POSTN: variants seen among roughly 807,000 people sequenced by gnomAD.
POSTN encodes the protein periostin.
A neutral mutation model predicts 104.5 loss-of-function variants in POSTN; 71 were observed. That is an observed-to-expected ratio of 0.68 (90% CI 0.56 to 0.83). POSTN has a LOEUF of 0.83. Among genes scored for constraint, POSTN ranks in the 40% least tolerant of loss-of-function variants. POSTN has a pLI of 0.00. For synonymous variants in POSTN, 355 were observed against 340.7 expected (o/e 1.04, Z -0.46); for missense variants, 949 against 1,006.8 (o/e 0.94, Z 0.78).
rs576057904 is a variant in POSTN at position 37,562,743 on chromosome 13, G to A, written c.*590C>T. On this transcript the variant is annotated 3_prime_UTR_variant, in exon 23 of 23. Coordinates refer to ENST00000379747, the MANE Select transcript of POSTN (RefSeq NM_006475.3). The stretch of plus-strand genomic sequence containing the variant: ...ATCTGAAAAATGGTTTTATTGAAAC[G>A]TTTGAGATTAAAAAATATGCATTGC... 6.6e-6 allele frequency: 1 copy of A among 152,162 alleles called. No individual in the cohort carries two copies. Among genetic ancestry groups the A allele is most frequent in the African/African-American group, 2.4e-5 (1 of 41,526 alleles). The allele number at this position is 152,162 out of a possible 1,614,324, so 9.4% of individuals were successfully genotyped here.
intron 2 of POSTN, among the ~76,000 whole-genome samples, 162 bp downstream of exon 2, chr13:37,597,022 G>A (rs1378808032): frequency 6.6e-6 from 1 of 152,236 alleles, no homozygotes; most frequent in Admixed American, 6.5e-5. Flanking sequence ...GATGCAGGGA[G>A]AACTTCTTTA....
intron 4 of POSTN, among the ~76,000 whole-genome samples, chr13:37,590,164 A>T (rs979099274): frequency 9.2e-5 from 14 of 152,244 alleles, no homozygotes; most frequent in African/African-American, 3.4e-4. Flanking sequence ...TCTTAAAAAA[A>T]TTAAAGTATA....
At chr13:37,580,992 C>A (rs1340990055) in intron 10 of POSTN, among the ~76,000 whole-genome samples, 4 of 152,112 alleles carry the variant, frequency 2.6e-5, no homozygotes, top group East Asian at 1.9e-4. Flanking sequence ...TTTATAATTT[C>A]TATTCAGATT....
chr13:37,595,918 C>T (rs955679919), intron 2 of POSTN, among the ~76,000 whole-genome samples: 3 of 150,762 alleles, frequency 2.0e-5, no homozygotes, highest in Admixed American at 6.6e-5. Flanking sequence ...TCAAGCGATT[C>T]TCCTGCCTCA....
intron 21 of POSTN, among the ~76,000 whole-genome samples, chr13:37,567,765 A>G (rs1477263197): frequency 6.6e-6 from 1 of 152,160 alleles, no homozygotes; most frequent in Non-Finnish European, 1.5e-5. Flanking sequence ...CTAAAAATTG[A>G]ATGTCATATA....
chr13:37,592,179 A>G lies in POSTN; in HGVS notation c.219-15T>C. ...ATAACACAGTCCTGTACATAGGAAG[A>G]AAATTAATATTAAAATGAGAAACTA... On this transcript the variant is annotated splice_polypyrimidine_tract_variant and intron_variant, in intron 2 of 22. Coordinates refer to ENST00000379747, the MANE Select transcript of POSTN (RefSeq NM_006475.3). 1 of 1,431,776 alleles carries G rather than the reference A, an allele frequency of 7.0e-7. No homozygotes were observed. Among genetic ancestry groups the G allele is most frequent in the Non-Finnish European group, 9.6e-7 (1 of 1,036,872 alleles). 88.7% of individuals were successfully genotyped at this position (1,431,776 alleles called of 1,614,324 possible).
chr13:37,575,719 G>C (rs1234816319), intron 16 of POSTN, among the ~76,000 whole-genome samples: 1 of 152,106 alleles, frequency 6.6e-6, no homozygotes, highest in East Asian at 1.9e-4. Flanking sequence ...CCTCATGCTT[G>C]TAAGATGTTT....
At chr13:37,579,402 T>A (rs557303955) in intron 12 of POSTN, 43 bp from the exon 13 acceptor site, 2 of 1,464,962 alleles carry the variant, frequency 1.4e-6, no homozygotes, top group East Asian at 4.5e-5. Flanking sequence ...TAATATGACT[T>A]TTTGATAAGG....
chr13:37,564,869 A>G, intron 21 of POSTN: 1 of 215,832 alleles, frequency 4.6e-6, no homozygotes, highest in South Asian at 1.2e-4. Context: ...TGATTTTTTC[A>G]ATCTTTTTGT....
In POSTN at chr13:37,578,869, T is replaced by C. The variant is rs1416576878; in HGVS notation, c.1937A>G (p.Lys646Arg). The C allele has an allele frequency of 2.5e-6, 4 of 1,588,256 alleles. No homozygotes were observed. Among genetic ancestry groups the C allele is most frequent in the Non-Finnish European group, 3.4e-6 (4 of 1,172,990 alleles). The change falls in exon 15 of 23, where the codon AAA (lysine) becomes AGA (arginine). Residue 646 changes from lysine (K) to arginine (R), a missense_variant. Transcript: ENST00000379747. The stretch of plus-strand genomic sequence containing the variant: ...CTTAATTTGGATGTATTTGATTAAT[T>C]TATTAAGTATTTCCAGCAGTTGATC... ...GNDQLLEILNKLIKYIQIKFV... is the reference protein window; with the variant it reads ...GNDQLLEILNRLIKYIQIKFV...
rs756283922 is a variant in POSTN at position 37,569,532 on chromosome 13, T to C, written c.2348-149A>G. On this transcript the variant is annotated intron_variant, in intron 20 of 22. Coordinates refer to ENST00000379747, the MANE Select transcript of POSTN (RefSeq NM_006475.3). ...CAAATTTTAGTGCTGTTTTCTGACA[T>C]ACTAATATTCTTATAAAGTTGTTGA... The C allele has an allele frequency of 4.1e-5, 33 of 808,832 alleles. No homozygotes were observed. In the Admixed American group the frequency reaches 6.5e-4, roughly 16 times the overall value. The allele number at this position is 808,832 out of a possible 1,614,324, so 50.1% of individuals were successfully genotyped here.
intron 5 of POSTN, 127 bp downstream of exon 5, chr13:37,587,695 A>C: frequency 1.4e-6 from 1 of 724,620 alleles, no homozygotes. Flanking sequence ...TTGGGGGTAA[A>C]GTCATAATAT....
chr13:37,598,502 A>AG, intron 1 of POSTN, 106 bp downstream of exon 1: 1 of 982,772 alleles, frequency 1.0e-6, no homozygotes, highest in Admixed American at 2.4e-5. Flanking sequence ...TATAATAATT[A>AG]GGAAAAAAAA....
chr13:37,595,423 G>A (rs775518808), intron 2 of POSTN, among the ~76,000 whole-genome samples: 4 of 152,156 alleles, frequency 2.6e-5, no homozygotes, highest in Non-Finnish European at 5.9e-5. Context: ...TAATGTTCAG[G>A]TCAAAAGATA....
intron 14 of POSTN, 45 bp downstream of exon 14, chr13:37,578,974 A>G (rs760338509): frequency 2.5e-6 from 4 of 1,597,054 alleles, no homozygotes; most frequent in African/African-American, 1.4e-5. Context: ...CGAGGTTCAT[A>G]TTAAAAAAAG....
chr13:37,594,736 T>C (rs1951037487), intron 2 of POSTN, among the ~76,000 whole-genome samples: 1 of 145,788 alleles, frequency 6.9e-6, no homozygotes, highest in South Asian at 2.2e-4. Context: ...CTGCTCAGTT[T>C]ACTTTTCTCA....
At chr13:37,568,429 T>C (rs1056854833) in intron 21 of POSTN, among the ~76,000 whole-genome samples, 2 of 152,070 alleles carry the variant, frequency 1.3e-5, no homozygotes, top group Admixed American at 1.3e-4. Context: ...TGAAAAGCCA[T>C]CTGGACTGTG....
intron 9 of POSTN, among the ~76,000 whole-genome samples, 160 bp from the exon 10 acceptor site, chr13:37,582,674 A>G (rs1950629340): frequency 6.6e-6 from 1 of 152,172 alleles, no homozygotes; most frequent in Non-Finnish European, 1.5e-5. Flanking sequence ...CTAAAAACTA[A>G]CAATTCAATT....
chr13:37,587,242 T>C (rs573055134), intron 5 of POSTN, among the ~76,000 whole-genome samples: 1 of 152,332 alleles, frequency 6.6e-6, no homozygotes, highest in Non-Finnish European at 1.5e-5. Flanking sequence ...CTTTTTAATG[T>C]GGGTCAATGA....
Sources: allele counts gnomAD v4.1 joint callset (sites outside exome capture counted in the v4.1 genomes callset), GRCh38; gene constraint gnomAD v4.1.1; transcripts MANE v1.5; gene names NCBI Gene and HGNC (gene_info 2026-07-23, HGNC 2026-07-21).